The following ADH6 variants were observed in gnomAD, a reference collection of about 807,000 sequenced individuals.
ADH6 encodes the protein alcohol dehydrogenase 6 (class V), also known as alcohol dehydrogenase 6.
In ADH6, 34 loss-of-function variants were observed where a neutral mutation model predicts 36.5. The ratio of observed to expected loss-of-function variants is 0.93; its 90% CI spans 0.71 to 1.24. The LOEUF is 1.24. ADH6 is among the 50% of genes most tolerant of loss of function. ADH6 has a pLI of 0.00. For synonymous variants in ADH6, 161 were observed against 155.5 expected, an observed-to-expected ratio of 1.04 and a Z score of -0.26; for missense variants, 440 against 447.0, an observed-to-expected ratio of 0.98 and a Z score of 0.14.
chr4:99,210,884 C>T (rs2110549459), intron 3 of ADH6, among the ~76,000 whole-genome samples: 1 of 152,246 alleles, frequency 6.6e-6, no homozygotes, highest in South Asian at 2.1e-4. Flanking sequence ...ATACCACATA[C>T]TAACAGAGTA....
intron 4 of ADH6, 46 bp from the exon 5 acceptor site, chr4:99,210,344 T>G: frequency 6.3e-7 from 1 of 1,599,642 alleles, no homozygotes; most frequent in Non-Finnish European, 8.6e-7. Flanking sequence ...TTATTTTGAA[T>G]TAGAAAGCTT....
intron 2 of ADH6, among the ~76,000 whole-genome samples, chr4:99,215,457 C>T (rs1731372718): frequency 6.6e-6 from 1 of 152,212 alleles, no homozygotes; most frequent in South Asian, 2.1e-4. Flanking sequence ...GCACCCCAGA[C>T]TAATTAAATC....
At chr4:99,219,058 G>A in intron 1 of ADH6, 77 bp downstream of exon 1, 1 of 1,408,190 alleles carries the variant, frequency 7.1e-7, no homozygotes, top group Non-Finnish European at 1.0e-6. Context: ...CTAGCTGGGT[G>A]ATGAGATGTT....
At chr4:99,204,825 A>G (rs1730960475) in intron 8 of ADH6, 100 bp downstream of exon 8, 1 of 1,468,458 alleles carries the variant, frequency 6.8e-7, no homozygotes, top group East Asian at 2.4e-5. Context: ...ATCAGTATAC[A>G]GCTTCTGCAG....
chr4:99,210,113 G>C lies in ADH6; in HGVS notation c.536C>G (p.Thr179Ser). 6.2e-7 allele frequency: 1 copy of C among 1,613,720 alleles called. No individual in the cohort carries two copies. Residue 179 changes from threonine (T) to serine (S), a missense_variant, in exon 5 of 9, where the codon ACT (threonine) becomes AGT (serine). Transcript: ENST00000394899. Reference protein sequence around the residue: ...KVCLISCGFSTGFGAAINTAK... With the variant: ...KVCLISCGFSSGFGAAINTAK... ...AGTATTGATTGCAGCACCAAACCCA[G>C]TGGAAAAGCCACAGCTAATTAGGCA...
chr4:99,208,543 T>G lies in ADH6; in HGVS notation c.828+125A>C. 4 of 1,093,304 alleles carry G rather than the reference T, an allele frequency of 3.7e-6. No individual in the cohort carries two copies. The South Asian group carries it at 6.4e-5, about 18-fold the overall frequency. 67.7% of individuals were successfully genotyped at this position (1,093,304 alleles called of 1,614,324 possible). On this transcript the variant is annotated intron_variant, in intron 6 of 8. Coordinates refer to ENST00000394899, the MANE Select transcript of ADH6 (RefSeq NM_001102470.2). The stretch of plus-strand genomic sequence containing the variant: ...AGTACACAGACGGCACCAGCTGAGA[T>G]GTCATGGAACACAAGGAAAATTAAA...
intron 6 of ADH6, among the ~76,000 whole-genome samples, chr4:99,207,794 A>G (rs1731089041): frequency 6.6e-6 from 1 of 152,118 alleles, no homozygotes; most frequent in Admixed American, 6.6e-5. Flanking sequence ...GCACTTTAGG[A>G]CTCAATAAAT....
intron 1 of ADH6, 36 bp from the exon 2 acceptor site, chr4:99,216,298 C>G (rs1242649616): frequency 7.1e-7 from 1 of 1,400,310 alleles, no homozygotes. Context: ...AAGAGAAGCT[C>G]CTTAAGCTTG....
chr4:99,210,299 C>G lies in ADH6; in HGVS notation c.351-1G>C. ...AGACATCAGTTGGGTTTTTGACTGT[C>G]TTTTATAGACAAAACAAAAAACAAA... On this transcript the variant is annotated splice_acceptor_variant, in intron 4 of 8. Transcript: ENST00000394899. LOFTEE classifies it high-confidence loss of function. 1 of 1,611,218 alleles carries G rather than the reference C, an allele frequency of 6.2e-7. No homozygotes were observed.
intron 7 of ADH6, among the ~76,000 whole-genome samples, chr4:99,205,899 C>T (rs1407822723): frequency 1.3e-5 from 2 of 152,010 alleles, no homozygotes; most frequent in Non-Finnish European, 2.9e-5. Flanking sequence ...GGTTAGGCTC[C>T]CCAACTTCTT....
In ADH6 at chr4:99,208,740, T is replaced by C. The variant is rs1731123536; in HGVS notation, c.756A>G (p.Gln252=). The C allele has an allele frequency of 6.2e-7, 1 of 1,613,876 alleles. No homozygotes were observed. Reference sequence around the variant, plus strand: ...CATCTGTCATATCAAATAAAACTTCTTGAATGGGTTTCTTTAAGTCCTGAG... The same window carrying C: ...CATCTGTCATATCAAATAAAACTTCCTGAATGGGTTTCTTTAAGTCCTGAG... ...LNPQDLKKPI[Q]EVLFDMTDAG... The change falls in exon 6 of 9, where the codon CAA becomes CAG. Residue 252 remains glutamine (Q), a synonymous_variant. Transcript: ENST00000394899.
chr4:99,206,289 C>T (rs1371044131), intron 7 of ADH6, among the ~76,000 whole-genome samples: 1 of 151,994 alleles, frequency 6.6e-6, no homozygotes, highest in Admixed American at 6.6e-5. Context: ...AATCATTGAA[C>T]CAGAGGACTA....
chr4:99,216,281 G>C lies in ADH6; in HGVS notation c.19-19C>G, dbSNP rs747254423. 2.0e-6 allele frequency: 3 copies of C among 1,492,684 alleles called. No homozygotes were observed. The highest frequency in any genetic ancestry group is 2.9e-5 in the African/African-American group (2 of 69,980). The allele number at this position is 1,492,684 out of a possible 1,614,324, so 92.5% of individuals were successfully genotyped here. A position where few individuals can be genotyped will look rare whatever the true frequency, so the allele number is the denominator to read the frequency against. ...TGATGACCTGGGAAATAGAATACAG[G>C]GGCAGAAAGAGAAGCTCCTTAAGCT... On this transcript the variant is annotated intron_variant, in intron 1 of 8. Coordinates refer to ENST00000394899, the MANE Select transcript of ADH6 (RefSeq NM_001102470.2).
intron 6 of ADH6, 56 bp downstream of exon 6, chr4:99,208,612 A>C: frequency 6.5e-7 from 1 of 1,537,184 alleles, no homozygotes; most frequent in Non-Finnish European, 8.8e-7. Context: ...TTCAACTATA[A>C]TCTAAACGAT....
chr4:99,211,968 G>T (rs916235965), intron 3 of ADH6, among the ~76,000 whole-genome samples: 4 of 152,070 alleles, frequency 2.6e-5, no homozygotes, highest in South Asian at 2.1e-4. Flanking sequence ...GACCCAGCTG[G>T]CTACTCGCTT....
intron 2 of ADH6, among the ~76,000 whole-genome samples, chr4:99,214,903 T>A (rs975063268): frequency 2.0e-5 from 3 of 152,214 alleles, no homozygotes; most frequent in African/African-American, 7.2e-5. Flanking sequence ...TTACTTTGAT[T>A]CAATATGGGC....
intron 3 of ADH6, among the ~76,000 whole-genome samples, chr4:99,212,174 G>A (rs1461487293): frequency 6.6e-6 from 1 of 152,078 alleles, no homozygotes; most frequent in African/African-American, 2.4e-5. Flanking sequence ...TTGTGTCCAA[G>A]AATATATAAA....
rs768306673 is a variant in ADH6, at chr4:99,204,940, A to G, written c.1088T>C (p.Met363Thr). Reference protein sequence around the residue: ...LDKINEAVELMKTGKCIRCIL... With the variant: ...LDKINEAVELTKTGKCIRCIL... ...GGCAGTTTACCATTTTCCAGTTTTCATTAATTCAACTGCTTCATTGATTTT... is the reference window on the plus strand; with the variant it reads ...GGCAGTTTACCATTTTCCAGTTTTCGTTAATTCAACTGCTTCATTGATTTT... The change falls in exon 8 of 9, where the codon ATG becomes ACG. Residue 363 changes from methionine (M) to threonine (T), a missense_variant. Physicochemically the swap from Met to Thr is moderately conservative, Grantham distance 81. Transcript: ENST00000394899. 2 of 1,607,346 alleles carry G rather than the reference A, an allele frequency of 1.2e-6. No homozygotes were observed. The highest frequency in any genetic ancestry group is 1.3e-5 in the African/African-American group (1 of 74,576).
intron 2 of ADH6, among the ~76,000 whole-genome samples, chr4:99,214,744 A>G (rs749755139): frequency 6.6e-6 from 1 of 152,212 alleles, no homozygotes; most frequent in African/African-American, 2.4e-5. Flanking sequence ...TAGTCAAGAA[A>G]TGAAATATAT....
Sources: gnomAD v4.1 joint callset for allele counts (sites outside exome capture counted in the v4.1 genomes callset) on GRCh38, gnomAD v4.1.1 for gene constraint, MANE v1.5 for transcripts, NCBI Gene and HGNC (gene_info 2026-07-23, HGNC 2026-07-21) for gene names.